Variants in SCG5 observed in about 807,000 individuals in gnomAD.
SCG5 encodes secretogranin V, also known as neuroendocrine protein 7B2.
In SCG5, 18 loss-of-function variants were observed where a neutral mutation model predicts 25.7. That is an observed-to-expected ratio of 0.70 (90% CI 0.48 to 1.04). The LOEUF is 1.04. Ranked by LOEUF, SCG5 falls within the 50% of genes least tolerant of loss-of-function variation. The pLI is 0.00. For synonymous variants in SCG5, 101 were observed against 91.7 expected, an observed-to-expected ratio of 1.10 and a Z score of -0.58; for missense variants, 206 against 259.8, an observed-to-expected ratio of 0.79 and a Z score of 1.42.
At chr15:32,690,062 C>T (rs999138682) in intron 4 of SCG5, among the ~76,000 whole-genome samples, 2 of 152,130 alleles carry the variant, frequency 1.3e-5, no homozygotes, top group African/African-American at 2.4e-5. Context: ...GGGATGGTCT[C>T]GATCTCCTGA....
chr15:32,685,562 A>G (rs1049503913), intron 4 of SCG5, among the ~76,000 whole-genome samples: 1 of 152,194 alleles, frequency 6.6e-6, no homozygotes, highest in Non-Finnish European at 1.5e-5. Context: ...CAATGTTTGT[A>G]ATAATATAGA....
chr15:32,692,003 CA>C (rs1287973275), intron 5 of SCG5: 17 of 1,376,080 alleles, frequency 1.2e-5, no homozygotes, highest in Non-Finnish European at 1.6e-5. Context: ...GCAATTCTAG[CA>C]ACTCCATTCC....
chr15:32,655,073 C>A (rs1471451885), intron 2 of SCG5, among the ~76,000 whole-genome samples: 1 of 152,148 alleles, frequency 6.6e-6, no homozygotes, highest in Non-Finnish European at 1.5e-5. Flanking sequence ...CTTTGGGAGG[C>A]CGAGGCGGGC....
chr15:32,644,376 T>C (rs1197909809), intron 2 of SCG5, among the ~76,000 whole-genome samples: 1 of 152,146 alleles, frequency 6.6e-6, no homozygotes, highest in Non-Finnish European at 1.5e-5. Flanking sequence ...ACATTAAGAG[T>C]TTACGTGAAA....
rs532937959 is a variant in SCG5 at position 32,679,403 on chromosome 15, T to C, written c.227-363T>C. On this transcript the variant is annotated intron_variant, in intron 2 of 5. Coordinates refer to ENST00000300175, the MANE Select transcript of SCG5 (RefSeq NM_001144757.3). The stretch of plus-strand genomic sequence containing the variant: ...TTTTAGTAGAGCCGGGGTTTCATTA[T>C]GTTGGCCAGGCTGGTCTTGCACTTA... Among the ~76,000 whole-genome samples the C allele has an allele frequency of 2.6e-5, 4 of 152,266 alleles. No individual in the cohort carries two copies. The East Asian group carries it at 5.8e-4, about 22-fold the overall frequency.
At chr15:32,643,307 T>G (rs965223587) in intron 1 of SCG5, among the ~76,000 whole-genome samples, 1 of 152,118 alleles carries the variant, frequency 6.6e-6, no homozygotes. Context: ...ACAAGGAGGA[T>G]AAAAATTATG....
intron 2 of SCG5, among the ~76,000 whole-genome samples, chr15:32,645,639 G>A (rs1306620594): frequency 2.6e-5 from 4 of 152,116 alleles, no homozygotes; most frequent in African/African-American, 9.7e-5. Flanking sequence ...GGGTTTTGAA[G>A]TTTGAGTAAG....
chr15:32,695,215 C>T (rs2054935481), intron 5 of SCG5, among the ~76,000 whole-genome samples: 1 of 151,972 alleles, frequency 6.6e-6, no homozygotes, highest in Admixed American at 6.6e-5. Flanking sequence ...CGGGGTTTCA[C>T]CGTGTTAGCC....
intron 2 of SCG5, among the ~76,000 whole-genome samples, chr15:32,653,435 G>A (rs1421110713): frequency 6.6e-6 from 1 of 152,202 alleles, no homozygotes; most frequent in African/African-American, 2.4e-5. Flanking sequence ...ATATGGGTTG[G>A]AGCCTGGGTA....
chr15:32,691,777 G>T lies in SCG5; in HGVS notation c.543+14G>T. On this transcript the variant is annotated intron_variant, in intron 5 of 5. Transcript: ENST00000300175. ...CGAAAGCGGAGGGTAACACGTGCCT[G>T]GCTGGATTGTTGCGGGGATGCTTGG... 6.2e-7 allele frequency: 1 copy of T among 1,611,930 alleles called. No homozygotes were observed. The highest frequency in any genetic ancestry group is 8.5e-7 in the Non-Finnish European group (1 of 1,179,076).
chr15:32,689,887 G>A (rs1014674218), intron 4 of SCG5, among the ~76,000 whole-genome samples: 2 of 150,912 alleles, frequency 1.3e-5, no homozygotes, highest in Admixed American at 6.6e-5. Flanking sequence ...TGTCCCCCAG[G>A]CTGGAGTGCA....
chr15:32,656,878 T>A (rs2054126329), intron 2 of SCG5, among the ~76,000 whole-genome samples: 1 of 151,898 alleles, frequency 6.6e-6, no homozygotes, highest in South Asian at 2.1e-4. Flanking sequence ...TGCTGTGTGA[T>A]GTTAGTAGAG....
chr15:32,642,153 T>C (rs1266170705), intron 1 of SCG5, among the ~76,000 whole-genome samples: 1 of 152,044 alleles, frequency 6.6e-6, no homozygotes, highest in Non-Finnish European at 1.5e-5. Flanking sequence ...AGAAAAGGCC[T>C]TTTCTTTGCA....
intron 2 of SCG5, among the ~76,000 whole-genome samples, chr15:32,661,322 A>T (rs1157697194): frequency 1.3e-5 from 2 of 152,158 alleles, no homozygotes; most frequent in Non-Finnish European, 2.9e-5. Context: ...ATTTGTGACA[A>T]CAGAAAATGT....
intron 2 of SCG5, among the ~76,000 whole-genome samples, chr15:32,657,209 A>ATATATATATATATATGTATGTATG: frequency 1.3e-4 from 5 of 38,732 alleles, no homozygotes; most frequent in African/African-American, 1.7e-4. Flanking sequence ...GTATATATAT[A>ATATATATATATATATGTATGTATG]TATGTATGTA....
At chr15:32,696,318 C>T (rs561727794) in intron 5 of SCG5, among the ~76,000 whole-genome samples, 196 bp from the exon 6 acceptor site, 33 of 152,018 alleles carry the variant, frequency 2.2e-4, no homozygotes, top group Admixed American at 1.4e-3. Flanking sequence ...GGGGTTTCAC[C>T]GTGTTAGCCA....
chr15:32,660,317 C>A (rs1000387087), intron 2 of SCG5, among the ~76,000 whole-genome samples: 5 of 152,190 alleles, frequency 3.3e-5, no homozygotes, highest in Non-Finnish European at 2.9e-5. Context: ...TCAGTACCTA[C>A]AGAGCTTCCT....
At chr15:32,683,470 C>A (rs1292069950) in intron 3 of SCG5, among the ~76,000 whole-genome samples, 2 of 152,246 alleles carry the variant, frequency 1.3e-5, no homozygotes, top group Non-Finnish European at 2.9e-5. Context: ...AGAGAGATAG[C>A]CTTCTTTCTT....
At chr15:32,653,173 A>G (rs2054060516) in intron 2 of SCG5, among the ~76,000 whole-genome samples, 1 of 152,264 alleles carries the variant, frequency 6.6e-6, no homozygotes, top group South Asian at 2.1e-4. Context: ...TAGTAGGCTT[A>G]GTAATTCTAA....
Sources: gnomAD v4.1 joint callset for allele counts (sites outside exome capture counted in the v4.1 genomes callset) on GRCh38, gnomAD v4.1.1 for gene constraint, MANE v1.5 for transcripts, NCBI Gene and HGNC (gene_info 2026-07-23, HGNC 2026-07-21) for gene names.